OR51B5: variants seen among roughly 807,000 people sequenced by gnomAD.
The protein encoded by OR51B5 is olfactory receptor family 51 subfamily B member 5.
For missense variants in OR51B5, 456 were observed against 374.6 expected (o/e 1.22, Z -1.79); for synonymous variants, 186 against 144.8 (o/e 1.28, Z -2.04).
chr11:5,371,749 T>C (rs1849451648), intron 1 of OR51B5, among the ~76,000 whole-genome samples: 1 of 152,152 alleles, frequency 6.6e-6, no homozygotes. Flanking sequence ...TAGATACCTT[T>C]TGCTTTTTCT....
intron 1 of OR51B5, among the ~76,000 whole-genome samples, chr11:5,483,514 AAAAAGAAAAG>A (rs370964059): frequency 3.5e-5 from 5 of 140,934 alleles, no homozygotes; most frequent in Non-Finnish European, 6.1e-5. Flanking sequence ...TAATTAAAAA[AAAAAGAAAAG>A]AAAAGAAAAG....
chr11:5,379,930 G>T (rs961367125), intron 1 of OR51B5, among the ~76,000 whole-genome samples: 4 of 151,546 alleles, frequency 2.6e-5, no homozygotes, highest in Non-Finnish European at 4.4e-5. Flanking sequence ...ACCTTTATCA[G>T]ATGCAACCGC....
chr11:5,446,488 C>T (rs147057304), intron 1 of OR51B5, among the ~76,000 whole-genome samples: 6 of 152,218 alleles, frequency 3.9e-5, no homozygotes, highest in Admixed American at 1.3e-4. Context: ...ATGTTCAAAA[C>T]ACCAGTGAAA....
At chr11:5,356,966 C>G (rs1469678611) in intron 1 of OR51B5, among the ~76,000 whole-genome samples, 2 of 151,722 alleles carry the variant, frequency 1.3e-5, no homozygotes, top group African/African-American at 4.9e-5. Context: ...TAAAAGAGCT[C>G]CTGAAGGAAG....
At chr11:5,431,455 C>A (rs188855461) in intron 1 of OR51B5, 149 of 173,550 alleles carry the variant, frequency 8.6e-4, no homozygotes, top group Non-Finnish European at 1.5e-3. Context: ...TCCTGCACTG[C>A]TGCCATAATT....
chr11:5,392,970 A>C (rs1231980405), intron 1 of OR51B5: 1 of 152,236 alleles, frequency 6.6e-6, no homozygotes, highest in African/African-American at 2.4e-5. Flanking sequence ...GTGGTAAAAG[A>C]GGTATTTTCA....
chr11:5,500,210 A>C (rs1034134116), intron 1 of OR51B5, among the ~76,000 whole-genome samples: 5 of 152,352 alleles, frequency 3.3e-5, no homozygotes, highest in Admixed American at 3.3e-4. Flanking sequence ...TTGCTCTTGC[A>C]GTAGTAAACC....
At chr11:5,484,499 C>T (rs1033300415) in intron 1 of OR51B5, among the ~76,000 whole-genome samples, 10 of 152,070 alleles carry the variant, frequency 6.6e-5, no homozygotes, top group Non-Finnish European at 1.5e-4. Context: ...GTCGTCCAAG[C>T]TTGTTTCCCC....
intron 1 of OR51B5, among the ~76,000 whole-genome samples, chr11:5,411,233 T>C (rs1192531390): frequency 6.6e-6 from 1 of 152,230 alleles, no homozygotes; most frequent in South Asian, 2.1e-4. Flanking sequence ...CATTTTTTAC[T>C]ATACCTTTTC....
At chr11:5,468,440 G>T (rs1187224696) in intron 1 of OR51B5, 1 of 326,950 alleles carries the variant, frequency 3.1e-6, no homozygotes. Context: ...CCAAACATCA[G>T]CAACAACAAA....
chr11:5,422,360 G>C (rs758099827), intron 1 of OR51B5: 16 of 1,613,990 alleles, frequency 9.9e-6, no homozygotes, highest in African/African-American at 1.3e-5. Flanking sequence ...CATTCGCACA[G>C]AGCCATCTGT....
At chr11:5,426,270 T>C (rs1391176667) in intron 1 of OR51B5, among the ~76,000 whole-genome samples, 1 of 152,184 alleles carries the variant, frequency 6.6e-6, no homozygotes, top group Non-Finnish European at 1.5e-5. Flanking sequence ...GTGGAATCAT[T>C]CTATCATATT....
chr11:5,470,334 T>C, intron 1 of OR51B5, among the ~76,000 whole-genome samples: 1 of 152,188 alleles, frequency 6.6e-6, no homozygotes, highest in East Asian at 1.9e-4. Flanking sequence ...TGGGAGTTAC[T>C]ATCGTAGAAA....
At chr11:5,441,370 T>A (rs138065841) in intron 1 of OR51B5, 51 of 1,613,302 alleles carry the variant, frequency 3.2e-5, no homozygotes, top group Non-Finnish European at 4.2e-5. Flanking sequence ...AACACCAGAG[T>A]GAGAATGCTG....
intron 1 of OR51B5, among the ~76,000 whole-genome samples, chr11:5,427,790 G>A (rs977522745): frequency 6.6e-6 from 1 of 151,890 alleles, no homozygotes. Flanking sequence ...ATTTCATACG[G>A]GAATGATATT....
chr11:5,351,371 T>C (rs1849082588), intron 1 of OR51B5: 4 of 642,476 alleles, frequency 6.2e-6, no homozygotes, highest in Non-Finnish European at 8.1e-6. Flanking sequence ...ATGACTAAAT[T>C]ATCATCCTTG....
Position 5,502,819 on chromosome 11 carries a change from G to A in OR51B5, n.84+2750C>T, listed in dbSNP as rs115619220. On this transcript the variant is annotated intron_variant and non_coding_transcript_variant, in intron 1 of 4. Transcript: ENST00000415970. Reference sequence around the variant, plus strand: ...GCTATAGAACAGTGCCTAGTTTTCCGTGAGATCTCTTTAAGAGTTAACTGA... The same window carrying A: ...GCTATAGAACAGTGCCTAGTTTTCCATGAGATCTCTTTAAGAGTTAACTGA... 7.0e-3 allele frequency among the ~76,000 whole-genome samples: 1,070 copies of A among 152,228 alleles called. 12 individuals carry two copies. Among genetic ancestry groups the A allele is most frequent in the African/African-American group, 0.025 (1,019 of 41,544 alleles).
chr11:5,383,274 C>T (rs905318862), intron 1 of OR51B5, among the ~76,000 whole-genome samples: 1 of 152,038 alleles, frequency 6.6e-6, no homozygotes, highest in Non-Finnish European at 1.5e-5. Flanking sequence ...ATTGAATATG[C>T]AAGATTGACT....
intron 1 of OR51B5, chr11:5,489,711 C>A: frequency 8.0e-7 from 1 of 1,246,150 alleles, no homozygotes; most frequent in Non-Finnish European, 1.2e-6. Context: ...GGATGGCTGT[C>A]TAGATACATT....
Sources: gnomAD v4.1 joint callset for allele counts (sites outside exome capture counted in the v4.1 genomes callset) on GRCh38, gnomAD v4.1.1 for gene constraint, MANE v1.5 for transcripts, NCBI Gene and HGNC (gene_info 2026-07-23, HGNC 2026-07-21) for gene names.